Variants in ALK observed in about 807,000 individuals in gnomAD.
The protein encoded by ALK is ALK tyrosine kinase receptor.
ALK carries 74 observed loss-of-function variants against 163.1 expected under a neutral mutation model. That is an observed-to-expected ratio of 0.45 (90% CI 0.38 to 0.55). The LOEUF is 0.55. Among genes scored for constraint, ALK ranks in the 20% least tolerant of loss-of-function variants. The pLI is 0.00. For synonymous variants in ALK, 960 were observed against 843.2 expected (o/e 1.14, Z -2.40); for missense variants, 2,063 against 2,105.3 (o/e 0.98, Z 0.39).
At chr2:29,689,069 C>T (rs543230050) in intron 3 of ALK, among the ~76,000 whole-genome samples, 2 of 152,298 alleles carry the variant, frequency 1.3e-5, no homozygotes, top group East Asian at 3.9e-4. Flanking sequence ...ATGAGGACAC[C>T]TCCTACCCTT....
chr2:29,389,638 T>C (rs1369093126), intron 4 of ALK, among the ~76,000 whole-genome samples: 1 of 152,228 alleles, frequency 6.6e-6, no homozygotes, highest in African/African-American at 2.4e-5. Flanking sequence ...ATGAACATAT[T>C]TCTGTTAAAT....
At chr2:29,810,524 C>A (rs566549688) in intron 1 of ALK, among the ~76,000 whole-genome samples, 6 of 151,376 alleles carry the variant, frequency 4.0e-5, no homozygotes, top group Non-Finnish European at 8.8e-5. Flanking sequence ...TGACTTGAAT[C>A]TTGAATAACT....
chr2:29,572,185 T>C (rs985302276), intron 3 of ALK, among the ~76,000 whole-genome samples: 1 of 152,244 alleles, frequency 6.6e-6, no homozygotes, highest in Non-Finnish European at 1.5e-5. Flanking sequence ...TCTCTGCTGA[T>C]GTCACTTAAA....
At chr2:29,365,330 G>T (rs1313749895) in intron 5 of ALK, among the ~76,000 whole-genome samples, 1 of 152,224 alleles carries the variant, frequency 6.6e-6, no homozygotes, top group East Asian at 1.9e-4. Context: ...GAGATGAAAT[G>T]AGATTTGTGA....
At chr2:29,402,546 A>G (rs1337799783) in intron 4 of ALK, among the ~76,000 whole-genome samples, 1 of 152,240 alleles carries the variant, frequency 6.6e-6, no homozygotes, top group Non-Finnish European at 1.5e-5. Flanking sequence ...AATGAATAGA[A>G]GAGTGCTTTG....
intron 4 of ALK, among the ~76,000 whole-genome samples, chr2:29,506,537 G>C (rs952057753): frequency 2.0e-5 from 3 of 152,106 alleles, no homozygotes; most frequent in African/African-American, 7.2e-5. Flanking sequence ...ATGAGGTCGG[G>C]AGATTGAGAC....
chr2:29,864,659 A>G (rs912298193), intron 1 of ALK, among the ~76,000 whole-genome samples: 1 of 152,290 alleles, frequency 6.6e-6, no homozygotes, highest in Middle Eastern at 3.4e-3. Flanking sequence ...TTCTTCATAC[A>G]TATTGTCTCA....
chr2:29,647,786 T>TC lies in ALK; in HGVS notation c.952+47063_952+47064insG, dbSNP rs533591602. Among the ~76,000 whole-genome samples the TC allele has an allele frequency of 9.4e-3, 1,394 of 149,068 alleles. 24 individuals carry two copies. The highest frequency in any genetic ancestry group is 0.033 in the African/African-American group (1,318 of 39,924). ...GTTCATGATTTTTTCTTTTTTTTTT[T>TC]TTTTTTTTGCCACAGTCACATGCCT... On this transcript the variant is annotated intron_variant, in intron 3 of 28. Transcript: ENST00000389048.
intron 3 of ALK, among the ~76,000 whole-genome samples, chr2:29,601,372 G>A (rs957776317): frequency 3.9e-5 from 6 of 152,160 alleles, no homozygotes; most frequent in African/African-American, 1.2e-4. Flanking sequence ...ATAATCATGT[G>A]TCCTCTGCCT....
intron 1 of ALK, among the ~76,000 whole-genome samples, chr2:29,764,306 C>T (rs1035533736): frequency 2.0e-5 from 3 of 152,080 alleles, no homozygotes; most frequent in Non-Finnish European, 2.9e-5. Context: ...CCCTGAGTAC[C>T]AAGTGGTCTA....
chr2:29,299,587 A>T (rs1156588129), intron 8 of ALK, among the ~76,000 whole-genome samples: 1 of 152,258 alleles, frequency 6.6e-6, no homozygotes, highest in Non-Finnish European at 1.5e-5. Flanking sequence ...CTGTTAACTG[A>T]AATAATAATT....
intron 4 of ALK, among the ~76,000 whole-genome samples, chr2:29,392,462 A>C (rs1573312014): frequency 6.6e-6 from 1 of 152,196 alleles, no homozygotes; most frequent in Non-Finnish European, 1.5e-5. Context: ...GCATACTAGC[A>C]AAGGGTGCAT....
At chr2:29,788,411 G>A (rs1213596418) in intron 1 of ALK, among the ~76,000 whole-genome samples, 10 of 152,190 alleles carry the variant, frequency 6.6e-5, no homozygotes, top group Admixed American at 3.3e-4. Context: ...ACAGCCTGCT[G>A]TGGAGACCAG....
At chr2:29,343,478 G>C (rs1328484016) in intron 5 of ALK, among the ~76,000 whole-genome samples, 1 of 152,048 alleles carries the variant, frequency 6.6e-6, no homozygotes, top group Non-Finnish European at 1.5e-5. Context: ...GCCTCCCAAA[G>C]TGTTGAGATG....
intron 9 of ALK, among the ~76,000 whole-genome samples, chr2:29,287,122 C>T (rs900978877): frequency 3.9e-5 from 6 of 152,138 alleles, no homozygotes; most frequent in East Asian, 1.9e-4. Flanking sequence ...GAACCTTGAA[C>T]GCTTCTTGTG....
intron 1 of ALK, among the ~76,000 whole-genome samples, chr2:29,813,064 A>T (rs768357185): frequency 6.6e-6 from 1 of 152,216 alleles, no homozygotes; most frequent in Non-Finnish European, 1.5e-5. Flanking sequence ...TTAAGAGATA[A>T]ACTTCATGGG....
intron 12 of ALK, among the ~76,000 whole-genome samples, chr2:29,242,178 C>T (rs1168729397): frequency 6.6e-6 from 1 of 152,198 alleles, no homozygotes; most frequent in Non-Finnish European, 1.5e-5. Context: ...CTAGGGACAG[C>T]AGTGTGGATG....
intron 1 of ALK, among the ~76,000 whole-genome samples, chr2:29,851,001 G>A (rs1310372130): frequency 6.6e-6 from 1 of 152,148 alleles, no homozygotes; most frequent in Non-Finnish European, 1.5e-5. Context: ...TCAATCCCCT[G>A]AAAGGAGTTG....
chr2:29,771,786 G>A (rs892920684), intron 1 of ALK, among the ~76,000 whole-genome samples: 12 of 151,530 alleles, frequency 7.9e-5, no homozygotes, highest in Non-Finnish European at 1.6e-4. Context: ...CGCCCGCCTC[G>A]ACCTCCCAAA....
Sources: allele counts gnomAD v4.1 joint callset (sites outside exome capture counted in the v4.1 genomes callset), GRCh38; gene constraint gnomAD v4.1.1; transcripts MANE v1.5; gene names NCBI Gene and HGNC (gene_info 2026-07-23, HGNC 2026-07-21).